Variants in CNTLN observed in about 807,000 individuals in gnomAD.
CNTLN encodes the protein centlein, centrosomal protein.
A neutral mutation model predicts 180.0 loss-of-function variants in CNTLN; 212 were observed. That is an observed-to-expected ratio of 1.18 (90% confidence interval 1.05 to 1.32). The LOEUF (loss-of-function observed/expected upper bound fraction) is 1.32, where lower values mean the gene tolerates loss of function less well. Among genes scored for constraint, CNTLN ranks in the 40% most tolerant of loss-of-function variants. CNTLN has a pLI of 0.00. For missense variants in CNTLN, 2,095 were observed against 1,610.9 expected (o/e 1.30, Z -5.14); for synonymous variants, 722 against 563.1 (o/e 1.28, Z -3.99).
Position 17,226,224 on chromosome 9 carries a change from T to A in CNTLN, c.471T>A (p.Ala157=). The stretch of plus-strand genomic sequence containing the variant: ...CTAGAGAAAAACAGAAATCTGAAGC[T>A]AAAGACAGAAAAGTTCTAGAAATTC... The part of the protein sequence containing the change: ...VVEREKQKSE[A]KDRKVLEILQ... The change falls in exon 3 of 26, where the codon GCT becomes GCA. Residue 157 remains alanine (A), a synonymous_variant. Coordinates refer to ENST00000380647, the MANE Select transcript of CNTLN (RefSeq NM_017738.4). 1 of 1,578,856 alleles carries A rather than the reference T, an allele frequency of 6.3e-7. No individual in the cohort carries two copies. Among genetic ancestry groups the A allele is most frequent in the Non-Finnish European group, 8.6e-7 (1 of 1,161,956 alleles).
intron 12 of CNTLN, among the ~76,000 whole-genome samples, chr9:17,366,241 T>C (rs1823804441): frequency 6.6e-6 from 1 of 152,162 alleles, no homozygotes; most frequent in Non-Finnish European, 1.5e-5. Flanking sequence ...TCCTGCTGCC[T>C]CAGCATCCCA....
intron 2 of CNTLN, among the ~76,000 whole-genome samples, chr9:17,213,724 A>G (rs1390532497): frequency 1.3e-5 from 2 of 152,124 alleles, no homozygotes; most frequent in South Asian, 2.1e-4. Flanking sequence ...GACTTGCTTT[A>G]TGAATCTGGG....
intron 5 of CNTLN, among the ~76,000 whole-genome samples, chr9:17,247,489 C>T (rs1157012857): frequency 1.3e-5 from 2 of 152,190 alleles, no homozygotes; most frequent in Admixed American, 1.3e-4. Flanking sequence ...CTGCACCATG[C>T]AGCTACTGTT....
intron 2 of CNTLN, among the ~76,000 whole-genome samples, chr9:17,151,599 A>G (rs113044757): frequency 2.4e-3 from 371 of 152,332 alleles, no homozygotes; most frequent in African/African-American, 8.2e-3. Flanking sequence ...GATGTTCATC[A>G]GGGATATTGG....
chr9:17,306,355 G>A (rs1818714712), intron 7 of CNTLN, among the ~76,000 whole-genome samples: 1 of 152,088 alleles, frequency 6.6e-6, no homozygotes, highest in East Asian at 1.9e-4. Context: ...CTCCATGTTG[G>A]TGAGGCTGGT....
At chr9:17,285,247 A>T (rs934428553) in intron 6 of CNTLN, among the ~76,000 whole-genome samples, 18 of 147,012 alleles carry the variant, frequency 1.2e-4, no homozygotes, top group Non-Finnish European at 1.8e-4. Context: ...GAGTGAGTAT[A>T]TGCCGTGTTT....
At chr9:17,138,359 GAA>G (rs1443424345) in intron 1 of CNTLN, among the ~76,000 whole-genome samples, 1 of 151,852 alleles carries the variant, frequency 6.6e-6, no homozygotes, top group Admixed American at 6.6e-5. Context: ...CCAGTTTTAG[GAA>G]AAAAATTAGG....
intron 18 of CNTLN, among the ~76,000 whole-genome samples, chr9:17,418,574 G>A (rs1345912820): frequency 1.3e-5 from 2 of 151,952 alleles, no homozygotes; most frequent in Non-Finnish European, 2.9e-5. Context: ...TAGGTAAACA[G>A]ATTAAGTTCA....
chr9:17,234,687 A>C (rs751248204), intron 3 of CNTLN, among the ~76,000 whole-genome samples: 3 of 152,006 alleles, frequency 2.0e-5, no homozygotes, highest in Non-Finnish European at 4.4e-5. Context: ...TAAAAAAAAA[A>C]GGTGTTTCTA....
intron 15 of CNTLN, among the ~76,000 whole-genome samples, chr9:17,403,152 G>A (rs79679811): frequency 0.039 from 5,983 of 151,768 alleles, 244 homozygotes; most frequent in East Asian, 0.17. Flanking sequence ...GGGGAGGTTC[G>A]TGGATGGACC....
intron 2 of CNTLN, among the ~76,000 whole-genome samples, chr9:17,168,816 A>T (rs1235675544): frequency 6.6e-6 from 1 of 152,076 alleles, no homozygotes; most frequent in Non-Finnish European, 1.5e-5. Flanking sequence ...AAGGATTATG[A>T]ATAAGAGTGG....
intron 19 of CNTLN, 32 bp from the exon 20 acceptor site, chr9:17,462,884 T>C: frequency 1.6e-6 from 2 of 1,219,316 alleles, no homozygotes; most frequent in Non-Finnish European, 2.3e-6. Flanking sequence ...GGTTGTAAGG[T>C]ATATTTAAAT....
chr9:17,430,722 C>T (rs2133978886), intron 18 of CNTLN, among the ~76,000 whole-genome samples: 1 of 152,172 alleles, frequency 6.6e-6, no homozygotes, highest in Admixed American at 6.5e-5. Context: ...CCTTTGTAGC[C>T]TCTGGTAACC....
chr9:17,366,420 A>G (rs780723930), intron 12 of CNTLN, among the ~76,000 whole-genome samples, 197 bp from the exon 13 acceptor site: 5 of 152,148 alleles, frequency 3.3e-5, no homozygotes, highest in Non-Finnish European at 4.4e-5. Context: ...CTGGAATTGT[A>G]GGTATGAGCC....
intron 14 of CNTLN, among the ~76,000 whole-genome samples, chr9:17,393,502 T>C (rs2133712005): frequency 6.6e-6 from 1 of 152,278 alleles, no homozygotes; most frequent in East Asian, 1.9e-4. Flanking sequence ...CCTTGTTGAA[T>C]AGTGGGAAGG....
At chr9:17,441,650 G>T (rs1417872940) in intron 18 of CNTLN, among the ~76,000 whole-genome samples, 1 of 149,582 alleles carries the variant, frequency 6.7e-6, no homozygotes, top group Non-Finnish European at 1.5e-5. Flanking sequence ...GGAAAAGACA[G>T]ACAAAAGAGC....
At chr9:17,466,237 G>A in intron 22 of CNTLN, 119 bp downstream of exon 22, 1 of 765,324 alleles carries the variant, frequency 1.3e-6, no homozygotes, top group South Asian at 1.8e-5. Flanking sequence ...CTTCAGATAA[G>A]TGCAAAGAGG....
chr9:17,314,774 C>G (rs117653330), intron 8 of CNTLN, among the ~76,000 whole-genome samples: 1 of 152,072 alleles, frequency 6.6e-6, no homozygotes, highest in African/African-American at 2.4e-5. Context: ...TCTCTGTTAC[C>G]TTCAGGTAGT....
Position 17,418,375 on chromosome 9 carries a change from T to C in CNTLN, c.3114+2186T>C, listed in dbSNP as rs573587386. 2.0e-5 allele frequency among the ~76,000 whole-genome samples: 3 copies of C among 152,142 alleles called. No individual in the cohort carries two copies. The East Asian group carries it at 5.8e-4, about 29-fold the overall frequency. On this transcript the variant is annotated intron_variant, in intron 18 of 25. Transcript: ENST00000380647. ...ATAAAGTAACTCCCCAAATATTACATAGATACAGACAAATTCTCTTTAGTT... is the reference window on the plus strand; with the variant it reads ...ATAAAGTAACTCCCCAAATATTACACAGATACAGACAAATTCTCTTTAGTT...
Sources: allele counts gnomAD v4.1 joint callset (sites outside exome capture counted in the v4.1 genomes callset), GRCh38; gene constraint gnomAD v4.1.1; transcripts MANE v1.5; gene names NCBI Gene and HGNC (gene_info 2026-07-23, HGNC 2026-07-21).